The following AFAP1L1 variants were observed in gnomAD, a reference collection of about 807,000 sequenced individuals.
AFAP1L1 encodes actin filament-associated protein 1-like 1.
AFAP1L1 carries 77 observed loss-of-function variants against 99.8 expected under a neutral mutation model. The observed-to-expected ratio is 0.77, with a 90% CI of 0.64 to 0.93. The LOEUF is 0.93. Ranked by LOEUF, AFAP1L1 falls within the 40% of genes least tolerant of loss-of-function variation. AFAP1L1 has a pLI of 0.00. For missense variants in AFAP1L1, 893 were observed against 996.8 expected (o/e 0.90, Z 1.40); for synonymous variants, 373 against 395.3 (o/e 0.94, Z 0.67).
chr5:149,342,666 C>T lies in AFAP1L1; in HGVS notation c.*2636C>T, dbSNP rs1282007019. Among the ~76,000 whole-genome samples the T allele has an allele frequency of 6.6e-6, 1 of 152,218 alleles. No homozygotes were observed. The highest frequency in any genetic ancestry group is 2.4e-5 in the African/African-American group (1 of 41,470). Reference sequence around the variant, plus strand: ...GTGGCTCATGCCTGTAATCCCAGCACTTTGGGAGGCCGAAGCGGGTGGATC... The same window carrying T: ...GTGGCTCATGCCTGTAATCCCAGCATTTTGGGAGGCCGAAGCGGGTGGATC... On this transcript the variant is annotated 3_prime_UTR_variant, in exon 19 of 19. Coordinates refer to ENST00000296721, the MANE Select transcript of AFAP1L1 (RefSeq NM_152406.4).
intron 1 of AFAP1L1, among the ~76,000 whole-genome samples, chr5:149,281,157 A>G (rs894336016): frequency 2.0e-5 from 3 of 152,158 alleles, no homozygotes; most frequent in East Asian, 1.9e-4. Context: ...GGGGGTTGCT[A>G]TGGGCAAGAA....
At chr5:149,319,524 G>A in intron 12 of AFAP1L1, 58 bp from the exon 13 acceptor site, 10 of 1,543,170 alleles carry the variant, frequency 6.5e-6, no homozygotes, top group Non-Finnish European at 8.7e-6. Context: ...AAGTCAACAG[G>A]TCTCCAGGAG....
intron 1 of AFAP1L1, among the ~76,000 whole-genome samples, chr5:149,284,255 C>T (rs1755611049): frequency 6.6e-6 from 1 of 152,162 alleles, no homozygotes; most frequent in African/African-American, 2.4e-5. Context: ...ACAGGTTGTG[C>T]GGCTTGCAAT....
rs1288456645 is a variant in AFAP1L1, at chr5:149,291,546, A to G, written c.17-7963A>G. Among the ~76,000 whole-genome samples the G allele has an allele frequency of 9.3e-5, 13 of 139,266 alleles. 1 individual carries two copies. Among genetic ancestry groups the G allele is most frequent in the African/African-American group, 3.2e-4 (12 of 37,534 alleles). 91.4% of individuals were successfully genotyped at this position (139,266 alleles called of 152,430 possible). On this transcript the variant is annotated intron_variant, in intron 1 of 18. Transcript: ENST00000296721. ...TCTCAAAAAAAAAAAAAAAAAAAAA[A>G]AAAAGAAAGAAAGAAGAGAAAAGCC...
At chr5:149,277,034 T>G (rs1163911922) in intron 1 of AFAP1L1, among the ~76,000 whole-genome samples, 7 of 152,250 alleles carry the variant, frequency 4.6e-5, no homozygotes, top group African/African-American at 1.7e-4. Context: ...TCATTCTTCT[T>G]GGATCACCAT....
intron 1 of AFAP1L1, among the ~76,000 whole-genome samples, chr5:149,272,913 G>C (rs555878013): frequency 1.3e-5 from 2 of 152,104 alleles, no homozygotes; most frequent in African/African-American, 4.8e-5. Flanking sequence ...ATATTGGCCA[G>C]GCTGGTCTGG....
At chr5:149,303,672 T>C (rs1425271010) in intron 5 of AFAP1L1, among the ~76,000 whole-genome samples, 1 of 152,114 alleles carries the variant, frequency 6.6e-6, no homozygotes, top group African/African-American at 2.4e-5. Flanking sequence ...TTTTTTTAAA[T>C]AGGGTGTACA....
intron 7 of AFAP1L1, among the ~76,000 whole-genome samples, chr5:149,308,421 G>A (rs1756501552): frequency 6.6e-6 from 1 of 152,126 alleles, no homozygotes; most frequent in African/African-American, 2.4e-5. Flanking sequence ...TTTATAAAAC[G>A]AATCCCCTAC....
chr5:149,282,402 A>G (rs1449477492), intron 1 of AFAP1L1, among the ~76,000 whole-genome samples: 4 of 152,234 alleles, frequency 2.6e-5, no homozygotes, highest in Non-Finnish European at 2.9e-5. Context: ...AGTCACAGCT[A>G]AATGAGTAGT....
intron 17 of AFAP1L1, 148 bp from the exon 18 acceptor site, chr5:149,335,446 C>T: frequency 1.9e-6 from 2 of 1,027,316 alleles, no homozygotes; most frequent in African/African-American, 1.7e-5. Flanking sequence ...CAAGCTCGTG[C>T]CACTGCGCTC....
chr5:149,309,961 C>T lies in AFAP1L1; in HGVS notation c.753C>T (p.Tyr251=). Residue 251 remains tyrosine, a synonymous_variant, in exon 8 of 19, where the codon TAC becomes TAT. Transcript: ENST00000296721. ...TVIREDQLLC[Y]KSSKDRQPHL... ...GTGTTTCTCTCCCTGTCCAGTGTTA[C>T]AAAAGCTCCAAGGATCGGCAGCCAC... The T allele has an allele frequency of 6.2e-7, 1 of 1,614,214 alleles. No individual in the cohort carries two copies. Among genetic ancestry groups the T allele is most frequent in the African/African-American group, 1.3e-5 (1 of 75,048 alleles).
intron 18 of AFAP1L1, among the ~76,000 whole-genome samples, chr5:149,338,410 G>A (rs1243096566): frequency 6.6e-6 from 1 of 152,188 alleles, no homozygotes; most frequent in Admixed American, 6.5e-5. Context: ...AGGCTACAGT[G>A]AGCCCTGATC....
intron 5 of AFAP1L1, among the ~76,000 whole-genome samples, chr5:149,302,868 T>A (rs1478460803): frequency 1.3e-5 from 2 of 152,212 alleles, no homozygotes; most frequent in African/African-American, 4.8e-5. Context: ...GCTACACAGA[T>A]GACCACCACT....
chr5:149,317,943 G>A lies in AFAP1L1; in HGVS notation c.1479+3G>A. On this transcript the variant is annotated splice_donor_region_variant and intron_variant, in intron 12 of 18. Coordinates refer to ENST00000296721, the MANE Select transcript of AFAP1L1 (RefSeq NM_152406.4). ...GGCAGGAGGTGGCCATCTTGGAGGT[G>A]AGAGGAGAGGGTGGGACGTGGGTGG... is the stretch of plus-strand genomic sequence containing the variant. The A allele has an allele frequency of 6.4e-7, 1 of 1,564,100 alleles. No homozygotes were observed. The highest frequency in any genetic ancestry group is 8.7e-7 in the Non-Finnish European group (1 of 1,154,054).
In AFAP1L1 at chr5:149,332,697, GC is replaced by G; in HGVS notation, c.1979del (p.Ala660GlufsTer3). 3 of 1,608,550 alleles carry G rather than the reference GC, an allele frequency of 1.9e-6. No individual in the cohort carries two copies. The highest frequency in any genetic ancestry group is 2.5e-6 in the Non-Finnish European group (3 of 1,178,600). ...CTTATCAATGTCTCTTGATTCAGGA[GC>G]AAAATTAAAGGCTCTGGAAGAAGCC... ...LKEAIRSSPG[A>X]KLKALEEAVA... On this transcript the variant is annotated frameshift_variant, in exon 17 of 19. Transcript: ENST00000296721. LOFTEE classifies it high-confidence loss of function.
Position 149,271,966 on chromosome 5 carries a change from G to T in AFAP1L1, c.-3G>T. ...CCCGCTCCCCGGGGACCGGGCCGGC[G>T]CCATGGACCGAGGCCAGGGTAAGAG... On this transcript the variant is annotated 5_prime_UTR_variant, in exon 1 of 19. Coordinates refer to ENST00000296721, the MANE Select transcript of AFAP1L1 (RefSeq NM_152406.4). 1 of 1,235,854 alleles carries T rather than the reference G, an allele frequency of 8.1e-7. No homozygotes were observed. The allele number at this position is 1,235,854 out of a possible 1,614,324, so 76.6% of individuals were successfully genotyped here.
intron 1 of AFAP1L1, among the ~76,000 whole-genome samples, chr5:149,289,402 A>G (rs980239666): frequency 2.6e-5 from 4 of 152,150 alleles, no homozygotes. Flanking sequence ...CACAGGGGCT[A>G]TATTTAACTC....
intron 5 of AFAP1L1, among the ~76,000 whole-genome samples, chr5:149,304,028 C>T (rs1040165492): frequency 3.3e-5 from 5 of 152,200 alleles, no homozygotes; most frequent in African/African-American, 1.2e-4. Flanking sequence ...CAGTCACTCC[C>T]CATTCCCCAC....
In AFAP1L1 at chr5:149,315,903, C is replaced by A; in HGVS notation, c.1103C>A (p.Thr368Asn). The stretch of plus-strand genomic sequence containing the variant: ...TGTTCTACCCTTGGCCGCCGGGAGA[C>A]CTGTGATCACGGTAGGAGCCTCTGG... ...DNCSTLGRRE[T>N]CDHGKGKKSS... The change falls in exon 10 of 19, where the codon ACC becomes AAC. Residue 368 changes from threonine (T) to asparagine (N), a missense_variant. Coordinates refer to ENST00000296721, the MANE Select transcript of AFAP1L1 (RefSeq NM_152406.4). 2 of 1,614,148 alleles carry A rather than the reference C, an allele frequency of 1.2e-6. No homozygotes were observed. The highest frequency in any genetic ancestry group is 1.7e-4 in the Middle Eastern group (1 of 6,028).
Sources: gnomAD v4.1 joint callset for allele counts (sites outside exome capture counted in the v4.1 genomes callset) on GRCh38, gnomAD v4.1.1 for gene constraint, MANE v1.5 for transcripts, NCBI Gene and HGNC (gene_info 2026-07-23, HGNC 2026-07-21) for gene names.